The following DAB1 variants were observed in gnomAD, a reference collection of about 807,000 sequenced individuals.
DAB1 encodes DAB adaptor protein 1, also known as disabled homolog 1.
Under a neutral mutation model 64.6 loss-of-function variants are expected in DAB1, and 15 were observed. The ratio of observed to expected loss-of-function variants is 0.23; its 90% CI spans 0.16 to 0.36. The LOEUF (loss-of-function observed/expected upper bound fraction) is 0.36, where lower values mean the gene tolerates loss of function less well. Among genes scored for constraint, DAB1 ranks in the 10% least tolerant of loss-of-function variants. The probability of loss-of-function intolerance (pLI) is 1.00; values close to 1 mark genes in which losing one functional copy is unlikely to be tolerated. For synonymous variants in DAB1, 235 were observed against 251.9 expected, an observed-to-expected ratio of 0.93 and a Z score of 0.64; for missense variants, 596 against 706.7, an observed-to-expected ratio of 0.84 and a Z score of 1.78.
At chr1:57,830,773 C>CT (rs1414049840) in intron 1 of DAB1, among the ~76,000 whole-genome samples, 1 of 152,110 alleles carries the variant, frequency 6.6e-6, no homozygotes, top group Non-Finnish European at 1.5e-5. Flanking sequence ...AACCTCTTTT[C>CT]TTTCTAGGAG....
intron 7 of DAB1, among the ~76,000 whole-genome samples, chr1:57,606,880 C>G (rs1358671355): frequency 6.7e-6 from 1 of 150,092 alleles, no homozygotes; most frequent in Non-Finnish European, 1.5e-5. Context: ...ACCTCCACCT[C>G]CAGGGTTCAA....
At chr1:57,034,818 A>G (rs1331338719) in intron 9 of DAB1, among the ~76,000 whole-genome samples, 1 of 152,188 alleles carries the variant, frequency 6.6e-6, no homozygotes, top group Non-Finnish European at 1.5e-5. Context: ...TGGGAAAACT[A>G]TCACCCATAG....
At position 58,290,790 on chromosome 1, in the gene DAB1, C is replaced by T. The variant is rs1299607324; in HGVS notation, n.309+52562G>A. Among the ~76,000 whole-genome samples the T allele has an allele frequency of 3.9e-5, 6 of 152,122 alleles. No individual in the cohort carries two copies. In the South Asian group the frequency reaches 1.2e-3, roughly 32 times the overall value. On this transcript the variant is annotated intron_variant and non_coding_transcript_variant, in intron 4 of 20. Transcript: ENST00000485760. ...ACAGGATGCTTTCTCAAGCCACTGCCTGCTGCTGCAAGTTAGGATCCTCCA... is the reference window on the plus strand; with the variant it reads ...ACAGGATGCTTTCTCAAGCCACTGCTTGCTGCTGCAAGTTAGGATCCTCCA...
intron 5 of DAB1, among the ~76,000 whole-genome samples, chr1:58,004,733 G>A (rs1034695983): frequency 1.3e-5 from 2 of 152,034 alleles, no homozygotes; most frequent in African/African-American, 4.8e-5. Flanking sequence ...ACACACGCAC[G>A]TGCCCTGTTT....
chr1:57,141,521 G>T (rs1243076490), intron 3 of DAB1, among the ~76,000 whole-genome samples: 1 of 152,120 alleles, frequency 6.6e-6, no homozygotes, highest in Non-Finnish European at 1.5e-5. Context: ...TCCCACTGTT[G>T]CTAGATTCTG....
intron 1 of DAB1, among the ~76,000 whole-genome samples, chr1:57,862,236 T>C (rs896811170): frequency 6.6e-5 from 10 of 152,364 alleles, no homozygotes; most frequent in Non-Finnish European, 1.5e-4. Context: ...TAGTATTATC[T>C]TGATTTTGCA....
intron 8 of DAB1, among the ~76,000 whole-genome samples, chr1:57,066,293 G>A (rs967605175): frequency 2.0e-5 from 3 of 152,146 alleles, no homozygotes; most frequent in African/African-American, 7.2e-5. Flanking sequence ...CACCTCAATT[G>A]GGGGAACTTG....
chr1:58,090,538 A>G lies in DAB1; in HGVS notation n.387+59973T>C, dbSNP rs148574974. Among the ~76,000 whole-genome samples the G allele has an allele frequency of 7.5e-3, 1,138 of 152,204 alleles. 21 individuals are homozygous for G. The highest frequency in any genetic ancestry group is 0.024 in the African/African-American group (1,004 of 41,536). On this transcript the variant is annotated intron_variant and non_coding_transcript_variant, in intron 5 of 20. Coordinates refer to the DAB1 transcript ENST00000485760. ...TTTACATTTAGTCGTTGAGATTTGG[A>G]TTCTAACTTTTCCCTATCTCCCTTT...
At chr1:57,839,637 T>A (rs1276059030) in intron 1 of DAB1, among the ~76,000 whole-genome samples, 2 of 152,200 alleles carry the variant, frequency 1.3e-5, no homozygotes, top group Admixed American at 1.3e-4. Context: ...GGCATAAAAT[T>A]GTACCCAGAG....
intron 5 of DAB1, among the ~76,000 whole-genome samples, chr1:57,961,940 C>A (rs1298937087): frequency 1.3e-5 from 2 of 151,564 alleles, no homozygotes; most frequent in African/African-American, 4.9e-5. Flanking sequence ...CCATTGCACT[C>A]CAGCCTGGGC....
At chr1:57,994,660 T>C (rs1346626488) in intron 5 of DAB1, among the ~76,000 whole-genome samples, 2 of 152,154 alleles carry the variant, frequency 1.3e-5, no homozygotes, top group African/African-American at 4.8e-5. Flanking sequence ...TCGGATGGAA[T>C]AGACAGGCAC....
intron 1 of DAB1, among the ~76,000 whole-genome samples, chr1:57,409,794 G>A (rs531670747): frequency 6.6e-6 from 1 of 152,296 alleles, no homozygotes; most frequent in East Asian, 1.9e-4. Flanking sequence ...GGGTGACAGA[G>A]CTAGACTCCG....
Position 58,103,412 on chromosome 1 carries a change from C to T in DAB1, n.387+47099G>A, listed in dbSNP as rs377081859. On this transcript the variant is annotated intron_variant and non_coding_transcript_variant, in intron 5 of 20. Transcript: ENST00000485760. Reference sequence around the variant, plus strand: ...GTTGCAACTACTCAACCTTTGTCTTCGTAGCACGAAGGCTACCCATACCCA... The same window carrying T: ...GTTGCAACTACTCAACCTTTGTCTTTGTAGCACGAAGGCTACCCATACCCA... Among the ~76,000 whole-genome samples the T allele has an allele frequency of 5.8e-4, 89 of 152,142 alleles. 1 individual carries two copies. In the South Asian group the frequency reaches 8.9e-3, roughly 15 times the overall value.
chr1:58,151,650 G>A lies in DAB1; in HGVS notation n.310-1062C>T, dbSNP rs78298914. Among the ~76,000 whole-genome samples, 267 of 152,268 alleles carry A rather than the reference G, an allele frequency of 1.8e-3. 2 individuals carry two copies. Among genetic ancestry groups the A allele is most frequent in the African/African-American group, 6.2e-3 (257 of 41,558 alleles). Reference sequence around the variant, plus strand: ...TGTGTCTGCATACCCTGGCCAGAACGCTGCCTTACAGGCTCATTCATTCTT... The same window carrying A: ...TGTGTCTGCATACCCTGGCCAGAACACTGCCTTACAGGCTCATTCATTCTT... On this transcript the variant is annotated intron_variant and non_coding_transcript_variant, in intron 4 of 20. Coordinates refer to the DAB1 transcript ENST00000485760.
intron 6 of DAB1, among the ~76,000 whole-genome samples, chr1:57,667,188 C>A (rs1222520011): frequency 6.6e-6 from 1 of 152,148 alleles, no homozygotes; most frequent in African/African-American, 2.4e-5. Context: ...GTGTTGAAAT[C>A]TTTGCTAAAA....
At chr1:57,764,854 A>T (rs1236502051) in intron 6 of DAB1, among the ~76,000 whole-genome samples, 2 of 152,170 alleles carry the variant, frequency 1.3e-5, no homozygotes, top group East Asian at 3.9e-4. Context: ...TAGTTAACAT[A>T]AAGAAAAGAA....
At chr1:57,965,153 A>G (rs901213129) in intron 5 of DAB1, among the ~76,000 whole-genome samples, 3 of 151,288 alleles carry the variant, frequency 2.0e-5, no homozygotes, top group African/African-American at 7.3e-5. Context: ...ATAGAGAGAC[A>G]GAGTAGGAAA....
intron 7 of DAB1, among the ~76,000 whole-genome samples, chr1:57,430,162 C>T (rs1422303069): frequency 4.0e-5 from 6 of 149,254 alleles, no homozygotes; most frequent in Admixed American, 3.3e-4. Context: ...TAATTTCTTT[C>T]ATCAACATTT....
chr1:57,073,217 C>T lies in DAB1; in HGVS notation c.307-803G>A, dbSNP rs180695823. 2.4e-3 allele frequency among the ~76,000 whole-genome samples: 372 copies of T among 152,276 alleles called. 2 individuals are homozygous for T. Among genetic ancestry groups the T allele is most frequent in the Non-Finnish European group, 4.8e-3 (326 of 68,022 alleles). Reference sequence around the variant, plus strand: ...ATTCCTCCAATGTTCGTGCCTGGAACGAACTTCCTTACTCTCACAGGTCTT... The same window carrying T: ...ATTCCTCCAATGTTCGTGCCTGGAATGAACTTCCTTACTCTCACAGGTCTT... On this transcript the variant is annotated intron_variant, in intron 4 of 14. Transcript: ENST00000371236.
Sources: gnomAD v4.1 joint callset for allele counts (sites outside exome capture counted in the v4.1 genomes callset) on GRCh38, gnomAD v4.1.1 for gene constraint, MANE v1.5 for transcripts, NCBI Gene and HGNC (gene_info 2026-07-23, HGNC 2026-07-21) for gene names.